PDZRN4: variants seen among roughly 807,000 people sequenced by gnomAD.
PDZRN4 encodes the protein PDZ domain containing ring finger 4.
In PDZRN4, 70 loss-of-function variants were observed where a neutral mutation model predicts 99.0. The observed-to-expected ratio is 0.71, with a 90% CI of 0.58 to 0.86. The LOEUF is 0.86. Ranked by LOEUF, PDZRN4 falls within the 40% of genes least tolerant of loss-of-function variation. PDZRN4 has a pLI of 0.00. For synonymous variants in PDZRN4, 551 were observed against 501.6 expected (o/e 1.10, Z -1.32); for missense variants, 1,474 against 1,331.2 (o/e 1.11, Z -1.67).
chr12:41,193,285 A>T (rs529714449), intron 2 of PDZRN4, among the ~76,000 whole-genome samples: 1 of 152,226 alleles, frequency 6.6e-6, no homozygotes, highest in Admixed American at 6.5e-5. Flanking sequence ...CTTAAAATTC[A>T]TGATAAGGAC....
intron 9 of PDZRN4, among the ~76,000 whole-genome samples, chr12:41,568,150 A>G (rs1169116943): frequency 6.6e-6 from 1 of 152,190 alleles, no homozygotes; most frequent in East Asian, 1.9e-4. Flanking sequence ...TCAAATGTTG[A>G]CCCAGGCACT....
chr12:41,474,512 A>C (rs1047011158), intron 3 of PDZRN4, among the ~76,000 whole-genome samples: 1 of 152,204 alleles, frequency 6.6e-6, no homozygotes, highest in South Asian at 2.1e-4. Flanking sequence ...AAAGTCTTAC[A>C]GTTTGTAAAC....
intron 3 of PDZRN4, among the ~76,000 whole-genome samples, chr12:41,461,528 G>A (rs1038899991): frequency 1.3e-5 from 2 of 152,054 alleles, no homozygotes; most frequent in South Asian, 4.2e-4. Context: ...AACAGACAAG[G>A]CTCCCAACAA....
At chr12:41,227,448 T>G (rs1426622265) in intron 3 of PDZRN4, among the ~76,000 whole-genome samples, 1 of 152,120 alleles carries the variant, frequency 6.6e-6, no homozygotes, top group African/African-American at 2.4e-5. Context: ...GAGGATCACT[T>G]GAGCCCAGGA....
chr12:41,430,208 G>A (rs1365999264), intron 3 of PDZRN4, among the ~76,000 whole-genome samples: 8 of 152,252 alleles, frequency 5.3e-5, no homozygotes, highest in East Asian at 1.9e-4. Flanking sequence ...GGTGGCTCAC[G>A]CCTGTAATCC....
intron 3 of PDZRN4, among the ~76,000 whole-genome samples, chr12:41,411,105 T>C (rs1479727235): frequency 6.6e-6 from 1 of 151,568 alleles, no homozygotes; most frequent in Non-Finnish European, 1.5e-5. Context: ...CCCACTATGT[T>C]GTCCAGACTG....
At chr12:41,226,462 C>G (rs1950995699) in intron 3 of PDZRN4, among the ~76,000 whole-genome samples, 1 of 151,782 alleles carries the variant, frequency 6.6e-6, no homozygotes, top group South Asian at 2.1e-4. Flanking sequence ...AGACTGGTAC[C>G]TAGAAGCTCT....
chr12:41,567,705 AC>A lies in PDZRN4; in HGVS notation c.1468-76del, dbSNP rs1400652556. The stretch of plus-strand genomic sequence containing the variant: ...TTATGATAAAAGGAACTCGTCGGGC[AC>A]CGGCCATTTAAGTTTACTCTATTTT... On this transcript the variant is annotated intron_variant, in intron 8 of 9. Coordinates refer to ENST00000402685, the MANE Select transcript of PDZRN4 (RefSeq NM_001164595.2). The A allele has an allele frequency of 1.2e-5, 9 of 720,408 alleles. No homozygotes were observed. The African/African-American group carries it at 1.6e-4, about 13-fold the overall frequency. The allele number at this position is 720,408 out of a possible 1,614,324, so 44.6% of individuals were successfully genotyped here. A position where few individuals can be genotyped will look rare whatever the true frequency, so the allele number is the denominator to read the frequency against.
chr12:41,376,636 G>A (rs1202556099), intron 3 of PDZRN4, among the ~76,000 whole-genome samples: 1 of 151,976 alleles, frequency 6.6e-6, no homozygotes, highest in Non-Finnish European at 1.5e-5. Flanking sequence ...TTAACCATTT[G>A]TCAGGTATAT....
chr12:41,350,415 A>C (rs995873175), intron 3 of PDZRN4, among the ~76,000 whole-genome samples: 3 of 152,080 alleles, frequency 2.0e-5, no homozygotes, highest in Admixed American at 6.6e-5. Flanking sequence ...TCTATAGAAA[A>C]CTAAATTTTA....
chr12:41,409,294 A>T (rs553424931), intron 3 of PDZRN4, among the ~76,000 whole-genome samples: 14 of 152,220 alleles, frequency 9.2e-5, no homozygotes, highest in Admixed American at 4.6e-4. Flanking sequence ...TGGGACATAT[A>T]GTTATTGAGT....
At chr12:41,517,352 C>T (rs2120704290) in intron 5 of PDZRN4, among the ~76,000 whole-genome samples, 2 of 152,154 alleles carry the variant, frequency 1.3e-5, no homozygotes, top group African/African-American at 4.8e-5. Flanking sequence ...TTATGATACA[C>T]ATTCAGAGGA....
chr12:41,359,013 T>C (rs11180851), intron 3 of PDZRN4, among the ~76,000 whole-genome samples: 71,847 of 151,746 alleles, frequency 0.47, 17,821 homozygotes, highest in Middle Eastern at 0.65. Context: ...GTTCAGAAAA[T>C]TGTTTAATGA....
chr12:41,562,207 T>C (rs1476102883), intron 7 of PDZRN4, among the ~76,000 whole-genome samples: 1 of 152,146 alleles, frequency 6.6e-6, no homozygotes, highest in Non-Finnish European at 1.5e-5. Flanking sequence ...TGCCCATATA[T>C]ATATATTTTT....
intron 3 of PDZRN4, among the ~76,000 whole-genome samples, chr12:41,486,028 G>T (rs1937766898): frequency 6.6e-6 from 1 of 152,136 alleles, no homozygotes; most frequent in Non-Finnish European, 1.5e-5. Flanking sequence ...ACAATCAATA[G>T]TTTCCAGTTT....
At chr12:41,555,897 A>G in intron 7 of PDZRN4, 137 bp downstream of exon 7, 1 of 660,052 alleles carries the variant, frequency 1.5e-6, no homozygotes, top group Non-Finnish European at 2.7e-6. Context: ...AAAAAAAAAA[A>G]GTGCTGTCAT....
At chr12:41,263,152 A>G (rs1951253810) in intron 3 of PDZRN4, among the ~76,000 whole-genome samples, 1 of 152,206 alleles carries the variant, frequency 6.6e-6, no homozygotes, top group East Asian at 1.9e-4. Flanking sequence ...ACATGTATCA[A>G]TGAGACATAT....
chr12:41,436,849 G>A (rs561170511), intron 3 of PDZRN4, among the ~76,000 whole-genome samples: 3 of 152,260 alleles, frequency 2.0e-5, no homozygotes, highest in African/African-American at 7.2e-5. Flanking sequence ...CATAAATGGA[G>A]TCATTGTGCA....
chr12:41,200,409 A>G (rs1420971291), intron 3 of PDZRN4, among the ~76,000 whole-genome samples: 1 of 152,140 alleles, frequency 6.6e-6, no homozygotes, highest in African/African-American at 2.4e-5. Context: ...ATGTTAGCCT[A>G]CAAAAAAAGA....
Sources: gnomAD v4.1 joint callset for allele counts (sites outside exome capture counted in the v4.1 genomes callset) on GRCh38, gnomAD v4.1.1 for gene constraint, MANE v1.5 for transcripts, NCBI Gene and HGNC (gene_info 2026-07-23, HGNC 2026-07-21) for gene names.